Variants in PTPRD observed in about 807,000 individuals in gnomAD.
PTPRD encodes receptor-type tyrosine-protein phosphatase delta.
PTPRD carries 34 observed loss-of-function variants against 214.5 expected under a neutral mutation model. The observed-to-expected ratio is 0.16, with a 90% CI of 0.12 to 0.21. The LOEUF is 0.21. Among genes scored for constraint, PTPRD ranks in the 10% least tolerant of loss-of-function variants. The probability of loss-of-function intolerance (pLI) is 1.00; values close to 1 mark genes in which losing one functional copy is unlikely to be tolerated. For synonymous variants in PTPRD, 1,128 were observed against 845.7 expected (o/e 1.33, Z -5.79); for missense variants, 2,545 against 2,398.7 (o/e 1.06, Z -1.27).
intron 2 of PTPRD, among the ~76,000 whole-genome samples, chr9:10,494,139 A>G (rs1169887950): frequency 2.0e-5 from 3 of 151,950 alleles, no homozygotes; most frequent in Non-Finnish European, 2.9e-5. Flanking sequence ...ATATATTTAC[A>G]TAATCAGTTC....
At chr9:9,251,870 G>A (rs564246526) in intron 9 of PTPRD, among the ~76,000 whole-genome samples, 5 of 152,092 alleles carry the variant, frequency 3.3e-5, no homozygotes, top group South Asian at 4.1e-4. Flanking sequence ...TCTTAACTAC[G>A]CATTGGGCCA....
chr9:9,106,666 A>T (rs981449449), intron 10 of PTPRD, among the ~76,000 whole-genome samples: 1 of 148,122 alleles, frequency 6.8e-6, no homozygotes, highest in African/African-American at 2.5e-5. Flanking sequence ...ACCTAAGTTT[A>T]ATAGGTGTAT....
intron 7 of PTPRD, among the ~76,000 whole-genome samples, chr9:9,605,686 A>G (rs2094109077): frequency 6.6e-6 from 1 of 152,098 alleles, no homozygotes; most frequent in Non-Finnish European, 1.5e-5. Flanking sequence ...GTCAGGGAGA[A>G]CAATTAGGAA....
At chr9:9,271,968 T>G (rs905447611) in intron 9 of PTPRD, among the ~76,000 whole-genome samples, 1 of 151,374 alleles carries the variant, frequency 6.6e-6, no homozygotes, top group African/African-American at 2.4e-5. Flanking sequence ...ATTGCATTAT[T>G]ATTTCTTTCA....
chr9:9,193,904 T>G (rs919699098), intron 9 of PTPRD, among the ~76,000 whole-genome samples: 19 of 152,300 alleles, frequency 1.2e-4, no homozygotes, highest in South Asian at 8.3e-4. Flanking sequence ...CTTAGATTAC[T>G]GTAACTTTTC....
In PTPRD at chr9:9,649,409, T is replaced by A. The variant is rs73390934; in HGVS notation, c.-286-74628A>T. On this transcript the variant is annotated intron_variant, in intron 7 of 45. Transcript: ENST00000381196. ...TTGAATGGCAGCAGTGATTATAAAC[T>A]GCTTAAGTTTAATGGCATTCATTTA... 4.6e-3 allele frequency among the ~76,000 whole-genome samples: 706 copies of A among 152,298 alleles called. 4 individuals are homozygous for A. The highest frequency in any genetic ancestry group is 0.016 in the African/African-American group (675 of 41,536).
At chr9:9,770,976 T>C (rs16930273) in intron 5 of PTPRD, among the ~76,000 whole-genome samples, 2,090 of 152,232 alleles carry the variant, frequency 0.014, 61 homozygotes, top group African/African-American at 0.046. Context: ...GAACTACAAA[T>C]CTTTCCTGTG....
chr9:9,678,775 A>G (rs2096993437), intron 7 of PTPRD, among the ~76,000 whole-genome samples: 1 of 152,008 alleles, frequency 6.6e-6, no homozygotes, highest in African/African-American at 2.4e-5. Flanking sequence ...TATGTATAAA[A>G]AGAAGAAAAA....
chr9:9,631,997 G>C (rs1418731490), intron 7 of PTPRD, among the ~76,000 whole-genome samples: 3 of 152,178 alleles, frequency 2.0e-5, no homozygotes, highest in African/African-American at 7.2e-5. Context: ...TAACAATAAA[G>C]TGAATTTCTC....
chr9:9,219,563 A>G (rs2133282367), intron 9 of PTPRD, among the ~76,000 whole-genome samples: 1 of 152,278 alleles, frequency 6.6e-6, no homozygotes, highest in Non-Finnish European at 1.5e-5. Flanking sequence ...CTTTCCCAAT[A>G]ATACATATTT....
rs1306681991 is a variant in PTPRD at position 8,404,060 on chromosome 9, C to A, written c.4210+477G>T. On this transcript the variant is annotated intron_variant, in intron 36 of 45. Coordinates refer to ENST00000381196, the MANE Select transcript of PTPRD (RefSeq NM_002839.4). ...TCATATGGTGTCAGGGATATTGTGG[C>A]CTATGTATAATTTATTTGTGTGAGA... is the stretch of plus-strand genomic sequence containing the variant. Among the ~76,000 whole-genome samples the A allele has an allele frequency of 2.0e-5, 3 of 152,110 alleles. No homozygotes were observed. The East Asian group carries it at 5.8e-4, about 29-fold the overall frequency.
chr9:9,904,191 T>A (rs1416996734), intron 5 of PTPRD, among the ~76,000 whole-genome samples: 1 of 152,128 alleles, frequency 6.6e-6, no homozygotes, highest in Non-Finnish European at 1.5e-5. Flanking sequence ...GCTGGAAATG[T>A]TTTTCTTTTC....
chr9:9,100,060 T>C (rs747644374), intron 10 of PTPRD, among the ~76,000 whole-genome samples: 7 of 152,166 alleles, frequency 4.6e-5, no homozygotes, highest in Non-Finnish European at 1.0e-4. Flanking sequence ...CCTCTTTTTG[T>C]GATGATTATA....
At chr9:9,797,553 G>A (rs572298499) in intron 5 of PTPRD, among the ~76,000 whole-genome samples, 5 of 152,066 alleles carry the variant, frequency 3.3e-5, no homozygotes, top group South Asian at 4.1e-4. Flanking sequence ...GAAAAGGATC[G>A]TCTTCTGTCA....
At chr9:8,518,851 C>T (rs537813326) in intron 20 of PTPRD, among the ~76,000 whole-genome samples, 1 of 149,552 alleles carries the variant, frequency 6.7e-6, no homozygotes, top group African/African-American at 2.5e-5. Context: ...TAGAATGTAA[C>T]TGGAACCCAC....
intron 10 of PTPRD, among the ~76,000 whole-genome samples, chr9:9,173,520 G>T (rs1373810): frequency 0.028 from 4,248 of 152,122 alleles, 202 homozygotes; most frequent in African/African-American, 0.098. Context: ...TACCAGTGTA[G>T]CTATATGGTA....
At chr9:8,870,437 G>GA (rs1442786459) in intron 11 of PTPRD, among the ~76,000 whole-genome samples, 3 of 151,968 alleles carry the variant, frequency 2.0e-5, no homozygotes, top group Non-Finnish European at 4.4e-5. Context: ...ATGCAAGGGG[G>GA]AAAAAACCCT....
At chr9:9,603,444 A>G (rs1387351256) in intron 7 of PTPRD, among the ~76,000 whole-genome samples, 2 of 152,180 alleles carry the variant, frequency 1.3e-5, no homozygotes, top group Admixed American at 6.6e-5. Context: ...ATATTAGGCT[A>G]TAAACCAGAG....
chr9:10,563,574 T>C (rs1041375283), intron 2 of PTPRD, among the ~76,000 whole-genome samples: 14 of 152,176 alleles, frequency 9.2e-5, no homozygotes, highest in Non-Finnish European at 1.5e-4. Context: ...ATTTAAAATA[T>C]ATTTATTTCA....
Sources: allele counts gnomAD v4.1 joint callset (sites outside exome capture counted in the v4.1 genomes callset), GRCh38; gene constraint gnomAD v4.1.1; transcripts MANE v1.5; gene names NCBI Gene and HGNC (gene_info 2026-07-23, HGNC 2026-07-21).